The following SGCD variants were observed in gnomAD, a reference collection of about 807,000 sequenced individuals.
SGCD encodes the protein sarcoglycan delta, also known as delta-sarcoglycan.
A neutral mutation model predicts 36.6 loss-of-function variants in SGCD; 18 were observed. The observed-to-expected ratio is 0.49, with a 90% CI of 0.34 to 0.73. SGCD has a LOEUF of 0.73. Ranked by LOEUF, SGCD falls within the 30% of genes least tolerant of loss-of-function variation. SGCD has a pLI of 0.01. For synonymous variants in SGCD, 133 were observed against 130.6 expected (o/e 1.02, Z -0.12); for missense variants, 387 against 346.7 (o/e 1.12, Z -0.92).
At chr5:155,728,237 C>A in the SGCD span, among the ~76,000 whole-genome samples, 1 of 151,950 alleles carries the variant, frequency 6.6e-6, no homozygotes, top group African/African-American at 2.4e-5. Context: ...GCGCGCACAC[C>A]GGGACTCCGG....
At chr5:156,486,266 C>T (rs2127844388) in intron 3 of SGCD, among the ~76,000 whole-genome samples, 1 of 152,150 alleles carries the variant, frequency 6.6e-6, no homozygotes, top group Non-Finnish European at 1.5e-5. Context: ...CTCTATCACA[C>T]ATGATGTCCC....
intron 1 of SGCD, among the ~76,000 whole-genome samples, chr5:155,915,426 G>A (rs1426214932): frequency 6.6e-6 from 1 of 152,126 alleles, no homozygotes; most frequent in African/African-American, 2.4e-5. Context: ...ACTGAAAGAT[G>A]GATGAGCTAT....
the SGCD span, among the ~76,000 whole-genome samples, chr5:155,821,506 G>T: frequency 1.3e-5 from 2 of 152,126 alleles, no homozygotes; most frequent in Admixed American, 6.5e-5. Context: ...GTAGAGATGG[G>T]GTTTCACCGT....
intron 4 of SGCD, among the ~76,000 whole-genome samples, chr5:156,546,064 A>G (rs1053843752): frequency 2.0e-5 from 3 of 152,190 alleles, no homozygotes; most frequent in African/African-American, 7.2e-5. Flanking sequence ...TTTGGAAAAC[A>G]CAGCACACTC....
intron 7 of SGCD, among the ~76,000 whole-genome samples, chr5:156,676,734 T>C (rs1216597011): frequency 6.6e-6 from 1 of 152,244 alleles, no homozygotes; most frequent in African/African-American, 2.4e-5. Flanking sequence ...AGATGACATC[T>C]GATGCCAAAA....
chr5:156,656,422 C>T (rs377643422), intron 7 of SGCD, among the ~76,000 whole-genome samples: 22 of 151,940 alleles, frequency 1.4e-4, no homozygotes, highest in East Asian at 7.7e-4. Context: ...AAGGAGATGG[C>T]GTTTTGATTG....
At chr5:156,573,418 G>A (rs1371639284) in intron 4 of SGCD, among the ~76,000 whole-genome samples, 1 of 152,180 alleles carries the variant, frequency 6.6e-6, no homozygotes, top group Non-Finnish European at 1.5e-5. Context: ...CCACCCAGGT[G>A]AACCTGATTT....
At chr5:155,830,121 G>T in the SGCD span, among the ~76,000 whole-genome samples, 1 of 152,140 alleles carries the variant, frequency 6.6e-6, no homozygotes, top group South Asian at 2.1e-4. Context: ...GTTTTCCAGG[G>T]AATTACAGTG....
At chr5:156,722,943 G>T (rs919849087) in intron 7 of SGCD, among the ~76,000 whole-genome samples, 7 of 152,090 alleles carry the variant, frequency 4.6e-5, no homozygotes. Context: ...ATCACTTTCT[G>T]AATCACAAAT....
chr5:156,697,204 C>T (rs1197197698), intron 7 of SGCD, among the ~76,000 whole-genome samples: 1 of 152,088 alleles, frequency 6.6e-6, no homozygotes, highest in Non-Finnish European at 1.5e-5. Context: ...TATAATGAGT[C>T]ACTGAATTGC....
chr5:156,044,366 G>A (rs1266395960), intron 1 of SGCD, among the ~76,000 whole-genome samples: 1 of 152,182 alleles, frequency 6.6e-6, no homozygotes, highest in East Asian at 1.9e-4. Flanking sequence ...ACCAGAAGAT[G>A]GTATTATTCT....
At chr5:155,978,459 G>C (rs955203893) in intron 1 of SGCD, among the ~76,000 whole-genome samples, 12 of 152,246 alleles carry the variant, frequency 7.9e-5, no homozygotes, top group African/African-American at 2.9e-4. Context: ...CATAGTGAAA[G>C]TCTCAATGAT....
chr5:155,731,457 A>G, the SGCD span, among the ~76,000 whole-genome samples: 1 of 152,164 alleles, frequency 6.6e-6, no homozygotes, highest in Non-Finnish European at 1.5e-5. Flanking sequence ...AAGGACGTTG[A>G]CATAGTCCAG....
intron 2 of SGCD, among the ~76,000 whole-genome samples, chr5:156,119,312 T>C (rs994297830): frequency 2.0e-5 from 3 of 152,150 alleles, no homozygotes; most frequent in African/African-American, 7.2e-5. Context: ...GTTTGCTGAA[T>C]GTCAATATGC....
At chr5:155,803,972 A>G in the SGCD span, among the ~76,000 whole-genome samples, 2,646 of 152,294 alleles carry the variant, frequency 0.017, 87 homozygotes, top group African/African-American at 0.059. Context: ...AGTCATCTGA[A>G]ATAGAAAGGA....
At chr5:156,389,189 G>A (rs1771433074) in intron 3 of SGCD, among the ~76,000 whole-genome samples, 1 of 152,166 alleles carries the variant, frequency 6.6e-6, no homozygotes, top group Non-Finnish European at 1.5e-5. Flanking sequence ...TACAAAAGCT[G>A]GGGGCAACCA....
intron 1 of SGCD, among the ~76,000 whole-genome samples, chr5:155,907,312 C>T (rs1756539285): frequency 6.6e-6 from 1 of 152,052 alleles, no homozygotes; most frequent in Non-Finnish European, 1.5e-5. Flanking sequence ...ATGAGTGTTG[C>T]TTTCATACCT....
At chr5:155,746,142 CAGAG>C in the SGCD span, among the ~76,000 whole-genome samples, 13 of 152,090 alleles carry the variant, frequency 8.5e-5, no homozygotes, top group Non-Finnish European at 1.9e-4. Context: ...GATTACAAAA[CAGAG>C]AGAATGAATG....
intron 6 of SGCD, among the ~76,000 whole-genome samples, chr5:156,610,879 A>T (rs1311035541): frequency 2.0e-5 from 3 of 152,234 alleles, no homozygotes; most frequent in Admixed American, 2.0e-4. Flanking sequence ...CCGTTTGCTA[A>T]GACCGTTGGG....
Sources: allele counts gnomAD v4.1 joint callset (sites outside exome capture counted in the v4.1 genomes callset), GRCh38; gene constraint gnomAD v4.1.1; transcripts MANE v1.5; gene names NCBI Gene and HGNC (gene_info 2026-07-23, HGNC 2026-07-21).